Variants in WWOX observed in about 807,000 individuals in gnomAD.
WWOX encodes the protein WW domain-containing oxidoreductase.
Under a neutral mutation model 46.2 loss-of-function variants are expected in WWOX, and 69 were observed. The ratio of observed to expected loss-of-function variants is 1.49; its 90% CI spans 1.23 to 1.82. WWOX has a LOEUF of 1.82. Ranked by LOEUF, WWOX falls within the 40% of genes most tolerant of loss-of-function variation. WWOX has a pLI of 0.00. For missense variants in WWOX, 919 were observed against 542.6 expected (o/e 1.69, Z -6.89); for synonymous variants, 359 against 202.6 (o/e 1.77, Z -6.56).
intron 8 of WWOX, among the ~76,000 whole-genome samples, chr16:78,614,596 G>A (rs1292267786): frequency 6.6e-6 from 1 of 152,152 alleles, no homozygotes; most frequent in Admixed American, 6.5e-5. Context: ...GGAATGTGTG[G>A]GTCTTTGAGC....
intron 8 of WWOX, among the ~76,000 whole-genome samples, chr16:79,003,516 T>C (rs956649005): frequency 3.3e-5 from 5 of 152,164 alleles, no homozygotes; most frequent in Non-Finnish European, 7.3e-5. Flanking sequence ...GGACTCTGGA[T>C]AGGGTTTGGC....
At chr16:78,996,213 G>C (rs957700960) in intron 8 of WWOX, 6 of 984,786 alleles carry the variant, frequency 6.1e-6, no homozygotes, top group Non-Finnish European at 7.2e-6. Context: ...AATTTTTGAA[G>C]ACTTGTGGAT....
intron 8 of WWOX, among the ~76,000 whole-genome samples, chr16:79,082,244 A>T (rs550418700): frequency 6.6e-6 from 1 of 152,324 alleles, no homozygotes; most frequent in South Asian, 2.1e-4. Flanking sequence ...CGCCTTGGGA[A>T]ACAGAGGCAG....
At chr16:78,894,536 A>G (rs897285614) in intron 8 of WWOX, among the ~76,000 whole-genome samples, 2 of 152,216 alleles carry the variant, frequency 1.3e-5, no homozygotes, top group African/African-American at 4.8e-5. Flanking sequence ...TCATTGCTGC[A>G]GCTGTAATCC....
At chr16:78,750,896 G>T (rs2049461262) in intron 8 of WWOX, among the ~76,000 whole-genome samples, 1 of 152,074 alleles carries the variant, frequency 6.6e-6, no homozygotes, top group Non-Finnish European at 1.5e-5. Flanking sequence ...ATCCACCATT[G>T]ATGGGCACTT....
chr16:78,537,009 C>T (rs1179049219), intron 8 of WWOX, among the ~76,000 whole-genome samples: 1 of 151,000 alleles, frequency 6.6e-6, no homozygotes, highest in Non-Finnish European at 1.5e-5. Context: ...GTGCACCTCT[C>T]AGGTTCAAGC....
chr16:78,965,520 A>G (rs929157610), intron 8 of WWOX, among the ~76,000 whole-genome samples: 1 of 151,710 alleles, frequency 6.6e-6, no homozygotes, highest in African/African-American at 2.4e-5. Flanking sequence ...CAGTGAGCCG[A>G]GATGGCACCA....
intron 8 of WWOX, among the ~76,000 whole-genome samples, chr16:78,560,652 T>G (rs958782835): frequency 2.0e-5 from 3 of 151,934 alleles, no homozygotes; most frequent in Non-Finnish European, 2.9e-5. Context: ...CTCAAAAAAA[T>G]TAATGATAAT....
chr16:78,770,333 A>G (rs894909355), intron 8 of WWOX, among the ~76,000 whole-genome samples: 4 of 151,622 alleles, frequency 2.6e-5, no homozygotes, highest in Non-Finnish European at 5.9e-5. Flanking sequence ...CCTGGGCCAT[A>G]GAGTGAGACT....
At chr16:78,714,870 G>A (rs183415497) in intron 8 of WWOX, among the ~76,000 whole-genome samples, 1 of 152,176 alleles carries the variant, frequency 6.6e-6, no homozygotes, top group Non-Finnish European at 1.5e-5. Flanking sequence ...GCCAGAGAGA[G>A]ATTGATAAGA....
At chr16:78,266,673 G>A (rs997505377) in intron 5 of WWOX, among the ~76,000 whole-genome samples, 3 of 152,114 alleles carry the variant, frequency 2.0e-5, no homozygotes, top group African/African-American at 7.2e-5. Flanking sequence ...GAAATAATGA[G>A]TATCCACTAC....
intron 8 of WWOX, among the ~76,000 whole-genome samples, chr16:78,547,165 A>T (rs2044060059): frequency 6.8e-6 from 1 of 146,072 alleles, no homozygotes; most frequent in Non-Finnish European, 1.5e-5. Flanking sequence ...AAAAACAACT[A>T]CCAGGCCTGT....
chr16:78,408,276 C>T (rs986632964), intron 6 of WWOX, among the ~76,000 whole-genome samples: 1 of 152,180 alleles, frequency 6.6e-6, no homozygotes, highest in Admixed American at 6.6e-5. Flanking sequence ...TGCTGTCATG[C>T]CCACCTTTGA....
chr16:78,133,545 G>A (rs1193582945), intron 4 of WWOX, among the ~76,000 whole-genome samples: 10 of 152,140 alleles, frequency 6.6e-5, no homozygotes, highest in East Asian at 5.8e-4. Context: ...ACAGGCTCAC[G>A]CCACCATGCC....
chr16:78,642,026 C>T (rs533936287), intron 8 of WWOX, among the ~76,000 whole-genome samples: 203 of 152,252 alleles, frequency 1.3e-3, no homozygotes, highest in Non-Finnish European at 2.3e-3. Flanking sequence ...AAAACAGCAA[C>T]GAGTTTATTG....
At chr16:78,312,411 C>G in intron 5 of WWOX, among the ~76,000 whole-genome samples, 1 of 128,718 alleles carries the variant, frequency 7.8e-6, no homozygotes, top group East Asian at 2.6e-4. Context: ...GAGTTGTGCT[C>G]TTGTCACCTA....
chr16:78,864,345 C>T (rs961277185), intron 8 of WWOX, among the ~76,000 whole-genome samples: 10 of 151,786 alleles, frequency 6.6e-5, no homozygotes, highest in Non-Finnish European at 1.0e-4. Context: ...TGGTTCACTG[C>T]AGCCTCGATC....
At chr16:78,987,322 C>G (rs1481972110) in intron 8 of WWOX, among the ~76,000 whole-genome samples, 7 of 152,134 alleles carry the variant, frequency 4.6e-5, no homozygotes, top group African/African-American at 7.2e-5. Flanking sequence ...TGACAATGAT[C>G]TTTTTGTACC....
At chr16:78,419,765 C>G (rs534432124) in intron 6 of WWOX, among the ~76,000 whole-genome samples, 134 of 148,454 alleles carry the variant, frequency 9.0e-4, no homozygotes, top group African/African-American at 3.5e-3. Flanking sequence ...ACCCTGACAG[C>G]ACAAGTGACA....
Sources: allele counts gnomAD v4.1 joint callset (sites outside exome capture counted in the v4.1 genomes callset), GRCh38; gene constraint gnomAD v4.1.1; transcripts MANE v1.5; gene names NCBI Gene and HGNC (gene_info 2026-07-23, HGNC 2026-07-21).